GNA14: variants seen among roughly 807,000 people sequenced by gnomAD.
The protein encoded by GNA14 is guanine nucleotide-binding protein subunit alpha-14.
In GNA14, 50 loss-of-function variants were observed where a neutral mutation model predicts 42.0. That is an observed-to-expected ratio of 1.19 (90% CI 0.95 to 1.51). The LOEUF (loss-of-function observed/expected upper bound fraction) is 1.51, where lower values mean the gene tolerates loss of function less well. GNA14 is among the 40% of genes most tolerant of loss of function. The probability of loss-of-function intolerance (pLI) is 0.00; values close to 1 mark genes in which losing one functional copy is unlikely to be tolerated. For synonymous variants in GNA14, 173 were observed against 163.1 expected (o/e 1.06, Z -0.46); for missense variants, 473 against 446.2 (o/e 1.06, Z -0.54).
intron 1 of GNA14, among the ~76,000 whole-genome samples, chr9:77,625,612 A>G (rs1279511788): frequency 6.6e-6 from 1 of 152,244 alleles, no homozygotes; most frequent in Non-Finnish European, 1.5e-5. Context: ...TTTTCAACCC[A>G]GAATTTCATA....
chr9:77,539,505 G>T lies in GNA14; in HGVS notation c.125-10252C>A, dbSNP rs143091325. 2.8e-4 allele frequency among the ~76,000 whole-genome samples: 43 copies of T among 152,240 alleles called. No homozygotes were observed. The East Asian group carries it at 7.5e-3, about 27-fold the overall frequency. ...TGTCCTTGCCTGGTTTTGGTATCAG[G>T]GTAATGCTGACCTTGTAGAATGAGT... is the stretch of plus-strand genomic sequence containing the variant. On this transcript the variant is annotated intron_variant, in intron 1 of 6. Transcript: ENST00000341700.
At chr9:77,574,654 C>G (rs949540400) in intron 1 of GNA14, among the ~76,000 whole-genome samples, 3 of 152,158 alleles carry the variant, frequency 2.0e-5, no homozygotes, top group Admixed American at 2.0e-4. Flanking sequence ...TTGAGAGGCT[C>G]ATTAGGTATA....
chr9:77,476,194 C>T (rs1327234632), intron 2 of GNA14, among the ~76,000 whole-genome samples: 1 of 152,180 alleles, frequency 6.6e-6, no homozygotes, highest in South Asian at 2.1e-4. Context: ...TAGCACCCAA[C>T]TTCCTGGGGA....
intron 2 of GNA14, among the ~76,000 whole-genome samples, chr9:77,489,778 C>A (rs957517741): frequency 6.6e-6 from 1 of 152,028 alleles, no homozygotes; most frequent in East Asian, 1.9e-4. Context: ...GGGCTCAGGA[C>A]TGAAGCTGCA....
intron 5 of GNA14, among the ~76,000 whole-genome samples, chr9:77,428,145 C>G (rs2131687127): frequency 7.1e-6 from 1 of 140,398 alleles, no homozygotes; most frequent in Middle Eastern, 4.5e-3. Flanking sequence ...GTGGTGCGAT[C>G]TCGGCTCACT....
intron 2 of GNA14, among the ~76,000 whole-genome samples, chr9:77,474,125 G>C (rs1053053580): frequency 3.3e-5 from 5 of 151,894 alleles, no homozygotes; most frequent in African/African-American, 1.2e-4. Flanking sequence ...GACACCAAAA[G>C]GGAAGCAACA....
At chr9:77,520,176 A>C (rs1837332370) in intron 2 of GNA14, among the ~76,000 whole-genome samples, 1 of 152,142 alleles carries the variant, frequency 6.6e-6, no homozygotes, top group Admixed American at 6.5e-5. Flanking sequence ...GAGCTTATTA[A>C]TCAGTTAATA....
At chr9:77,605,925 AG>A (rs1205805160) in intron 1 of GNA14, among the ~76,000 whole-genome samples, 7 of 152,200 alleles carry the variant, frequency 4.6e-5, no homozygotes, top group Non-Finnish European at 1.0e-4. Flanking sequence ...AAACAAAACT[AG>A]GTAAGAGACT....
intron 1 of GNA14, among the ~76,000 whole-genome samples, chr9:77,609,656 G>A (rs775217447): frequency 3.3e-5 from 5 of 152,132 alleles, no homozygotes; most frequent in Non-Finnish European, 5.9e-5. Context: ...TCAAGGTGCT[G>A]GTTGATTTGA....
intron 1 of GNA14, among the ~76,000 whole-genome samples, chr9:77,613,051 C>T (rs1307267707): frequency 1.3e-5 from 2 of 152,108 alleles, no homozygotes; most frequent in African/African-American, 4.8e-5. Context: ...AGAAGGAAAT[C>T]CTGCCATTTT....
rs140731608 is a variant in GNA14 at position 77,578,921 on chromosome 9, A to C, written c.125-49668T>G. Among the ~76,000 whole-genome samples, 87 of 152,316 alleles carry C rather than the reference A, an allele frequency of 5.7e-4. No individual in the cohort carries two copies. In the East Asian group the frequency reaches 0.014, roughly 24 times the overall value. On this transcript the variant is annotated intron_variant, in intron 1 of 6. Coordinates refer to ENST00000341700, the MANE Select transcript of GNA14 (RefSeq NM_004297.4). Reference sequence around the variant, plus strand: ...AGGCCTTCCACTTGATGGGCATCCAAAACACAGACTTGTGGGCCTAACCAA... The same window carrying C: ...AGGCCTTCCACTTGATGGGCATCCACAACACAGACTTGTGGGCCTAACCAA...
At chr9:77,641,105 GAAGGAAGGAAGGAAGGAAGGAAGGAA>G (rs1564073618) in intron 1 of GNA14, among the ~76,000 whole-genome samples, 89 of 4,138 alleles carry the variant, frequency 0.022, 8 homozygotes, top group African/African-American at 0.051. Flanking sequence ...GGGGGGGAAG[GAAGGAAGGAAGGAAGGAAGGAAGGAA>G]GGAAGGAAGG....
intron 1 of GNA14, among the ~76,000 whole-genome samples, chr9:77,603,594 T>C (rs1351076372): frequency 1.3e-5 from 2 of 152,088 alleles, no homozygotes; most frequent in African/African-American, 2.4e-5. Context: ...ATTCTTAAAC[T>C]GAGACGAGTT....
intron 2 of GNA14, among the ~76,000 whole-genome samples, chr9:77,458,906 G>GA (rs1554689043): frequency 1.8e-5 from 2 of 113,014 alleles, no homozygotes; most frequent in African/African-American, 6.5e-5. Context: ...CAAGCTGGAG[G>GA]GGGGGGGGTT....
chr9:77,544,177 T>C (rs1044615407), intron 1 of GNA14, among the ~76,000 whole-genome samples: 9 of 152,304 alleles, frequency 5.9e-5, no homozygotes, highest in South Asian at 2.1e-4. Flanking sequence ...TTTATGTCAA[T>C]AGCTCATATG....
chr9:77,568,888 C>T (rs1823014763), intron 1 of GNA14, among the ~76,000 whole-genome samples: 1 of 152,184 alleles, frequency 6.6e-6, no homozygotes, highest in Admixed American at 6.5e-5. Flanking sequence ...TAAAGTCGCA[C>T]TTCAGAAACC....
At chr9:77,569,478 G>T (rs76874264) in intron 1 of GNA14, among the ~76,000 whole-genome samples, 3,234 of 152,260 alleles carry the variant, frequency 0.021, 48 homozygotes, top group Middle Eastern at 0.068. Context: ...GTTGGGAACT[G>T]TGAAATGGCT....
chr9:77,527,275 T>G (rs1051614136), intron 2 of GNA14, among the ~76,000 whole-genome samples: 1 of 152,174 alleles, frequency 6.6e-6, no homozygotes, highest in African/African-American at 2.4e-5. Context: ...AACTGTACCT[T>G]TTCAAAAAGA....
At chr9:77,473,652 G>A (rs1458584648) in intron 2 of GNA14, among the ~76,000 whole-genome samples, 1 of 135,334 alleles carries the variant, frequency 7.4e-6, no homozygotes, top group Non-Finnish European at 1.6e-5. Flanking sequence ...ACAAGCTAAT[G>A]TTAAAATCCA....
Sources: allele counts gnomAD v4.1 joint callset (sites outside exome capture counted in the v4.1 genomes callset), GRCh38; gene constraint gnomAD v4.1.1; transcripts MANE v1.5; gene names NCBI Gene and HGNC (gene_info 2026-07-23, HGNC 2026-07-21).